Variants in SYNE3 observed in about 807,000 individuals in gnomAD.
The protein encoded by SYNE3 is spectrin repeat containing nuclear envelope family member 3, also known as nesprin-3.
SYNE3 carries 100 observed loss-of-function variants against 111.2 expected under a neutral mutation model. The observed-to-expected ratio is 0.90, with a 90% CI of 0.77 to 1.06. The LOEUF is 1.06. Among genes scored for constraint, SYNE3 ranks in the 50% least tolerant of loss-of-function variants. SYNE3 has a pLI of 0.00. For synonymous variants in SYNE3, 547 were observed against 533.9 expected (o/e 1.02, Z -0.34); for missense variants, 1,160 against 1,240.3 (o/e 0.94, Z 0.97).
intron 8 of SYNE3, among the ~76,000 whole-genome samples, chr14:95,447,502 A>G (rs1390978432): frequency 6.6e-6 from 1 of 152,136 alleles, no homozygotes; most frequent in East Asian, 1.9e-4. Context: ...AGAGGTGGAC[A>G]CTCCTGGTTG....
intron 4 of SYNE3, among the ~76,000 whole-genome samples, chr14:95,461,971 G>A (rs562439232): frequency 2.4e-4 from 36 of 152,336 alleles, no homozygotes; most frequent in Non-Finnish European, 4.7e-4. Context: ...AATGCCGGGG[G>A]CTGCATCCCA....
intron 1 of SYNE3, among the ~76,000 whole-genome samples, chr14:95,486,043 A>C (rs1329131342): frequency 6.6e-6 from 1 of 152,120 alleles, no homozygotes; most frequent in Non-Finnish European, 1.5e-5. Flanking sequence ...AGAAGGGAGA[A>C]GGGCTGTGTC....
intron 17 of SYNE3, among the ~76,000 whole-genome samples, chr14:95,424,975 C>T (rs1291066842): frequency 6.6e-6 from 1 of 152,216 alleles, no homozygotes; most frequent in Non-Finnish European, 1.5e-5. Flanking sequence ...CACAGTGGCT[C>T]ATGCCTGTAA....
At position 95,444,560 on chromosome 14, in the gene SYNE3, G is replaced by T. The variant is rs1450661791; in HGVS notation, c.1701C>A (p.Leu567=). 6.2e-7 allele frequency: 1 copy of T among 1,613,614 alleles called. No homozygotes were observed. Among genetic ancestry groups the T allele is most frequent in the African/African-American group, 1.3e-5 (1 of 75,024 alleles). ...FEPLQRKLLD[L]QVRVQAEKGL... The stretch of plus-strand genomic sequence containing the variant: ...CCTTCTCGGCTTGGACCCTGACCTG[G>T]AGGTCCAAGAGCTTCCTCTGCAGGG... The change falls in exon 10 of 18, where the codon CTC becomes CTA. Residue 567 remains leucine, a synonymous_variant. Coordinates refer to ENST00000682763, the MANE Select transcript of SYNE3 (RefSeq NM_152592.6).
intron 1 of SYNE3, among the ~76,000 whole-genome samples, chr14:95,501,898 G>A (rs1890350815): frequency 6.6e-6 from 1 of 152,166 alleles, no homozygotes; most frequent in Admixed American, 6.5e-5. Context: ...AGCACAAGGA[G>A]GTTTTCTGTC....
At position 95,417,539 on chromosome 14, in the gene SYNE3, A is replaced by G. The variant is rs1595166679; in HGVS notation, c.*287T>C. ...GCTAGGAATTTTCCCAACTCCAAAT[A>G]GAACTCGTATATGAAATTATACATA... On this transcript the variant is annotated 3_prime_UTR_variant, in exon 18 of 18. Coordinates refer to ENST00000682763, the MANE Select transcript of SYNE3 (RefSeq NM_152592.6). 1 of 432,488 alleles carries G rather than the reference A, an allele frequency of 2.3e-6. No homozygotes were observed. The highest frequency in any genetic ancestry group is 4.2e-6 in the Non-Finnish European group (1 of 236,082). 26.8% of individuals were successfully genotyped at this position (432,488 alleles called of 1,614,324 possible).
At chr14:95,466,271 G>A (rs991841829) in intron 3 of SYNE3, 31 bp from the exon 4 acceptor site, 2 of 1,530,366 alleles carry the variant, frequency 1.3e-6, no homozygotes, top group African/African-American at 1.4e-5. Flanking sequence ...AGGTTGTGAG[G>A]GAACCAGCCA....
At chr14:95,476,355 A>C (rs1888890273) in intron 1 of SYNE3, among the ~76,000 whole-genome samples, 1 of 151,462 alleles carries the variant, frequency 6.6e-6, no homozygotes, top group African/African-American at 2.4e-5. Context: ...CATCCCCACC[A>C]CTCCACCAAC....
rs200649505 is a variant in SYNE3 at position 95,467,764 on chromosome 14, C to T, written c.317+31G>A. ...CACAGTGGGCAAGGAGGGTAAATGG[C>T]AGCTGTGGACAAAGGCCCTGGATGC... On this transcript the variant is annotated intron_variant, in intron 3 of 17. Coordinates refer to ENST00000682763, the MANE Select transcript of SYNE3 (RefSeq NM_152592.6). 1.7e-4 allele frequency: 278 copies of T among 1,612,718 alleles called. No individual in the cohort carries two copies. The African/African-American group carries it at 3.5e-3, about 20-fold the overall frequency.
intron 1 of SYNE3, among the ~76,000 whole-genome samples, chr14:95,507,673 C>G (rs1259538072): frequency 6.6e-6 from 1 of 152,222 alleles, no homozygotes; most frequent in Non-Finnish European, 1.5e-5. Context: ...AGTTTGAAAT[C>G]AGCAAACAGA....
In SYNE3 at chr14:95,485,656, A is replaced by C. The variant is rs1025991096; in HGVS notation, c.-14-9821T>G. ...CTGTCTCCTCTCCCTCTCCCCTTAC[A>C]CCACTCCCTCTAGGATACCCAGCAT... On this transcript the variant is annotated intron_variant, in intron 1 of 17. Coordinates refer to ENST00000682763, the MANE Select transcript of SYNE3 (RefSeq NM_152592.6). This position sits in a 1 kb window ranked among gnomAD's most constrained non-coding sequence, Gnocchi z 4.3. 4.0e-5 allele frequency among the ~76,000 whole-genome samples: 6 copies of C among 150,856 alleles called. No individual in the cohort carries two copies. Among genetic ancestry groups the C allele is most frequent in the African/African-American group, 1.5e-4 (6 of 40,954 alleles).
intron 17 of SYNE3, among the ~76,000 whole-genome samples, chr14:95,421,433 G>A (rs1037643408): frequency 2.0e-5 from 3 of 152,136 alleles, no homozygotes; most frequent in Non-Finnish European, 4.4e-5. Context: ...GGGATGTGGG[G>A]GAAATATAAG....
intron 6 of SYNE3, among the ~76,000 whole-genome samples, chr14:95,453,840 G>A (rs1887242773): frequency 6.6e-6 from 1 of 152,226 alleles, no homozygotes; most frequent in South Asian, 2.1e-4. Flanking sequence ...GAAGGACGCT[G>A]CCCCATGGCT....
intron 9 of SYNE3, among the ~76,000 whole-genome samples, chr14:95,445,122 T>C (rs1886637259): frequency 6.6e-6 from 1 of 152,222 alleles, no homozygotes; most frequent in Admixed American, 6.5e-5. Flanking sequence ...CAGCAAAAGC[T>C]GTGAGTGTTT....
intron 7 of SYNE3, chr14:95,450,900 G>A (rs910505150): frequency 2.6e-5 from 4 of 152,132 alleles, no homozygotes; most frequent in African/African-American, 9.7e-5. Flanking sequence ...TATTCTTCCA[G>A]TAACGGAAAA....
intron 17 of SYNE3, among the ~76,000 whole-genome samples, chr14:95,431,505 C>T (rs1885759259): frequency 4.6e-5 from 7 of 152,188 alleles, no homozygotes. Flanking sequence ...ATACCTATTA[C>T]TCATTGTTGT....
chr14:95,420,775 C>A (rs1243388493), intron 17 of SYNE3, among the ~76,000 whole-genome samples: 1 of 152,060 alleles, frequency 6.6e-6, no homozygotes, highest in Non-Finnish European at 1.5e-5. Context: ...TCTAAGAAGC[C>A]AACAAGAAAA....
intron 1 of SYNE3, among the ~76,000 whole-genome samples, chr14:95,507,287 G>T (rs952232955): frequency 1.3e-5 from 2 of 152,178 alleles, no homozygotes; most frequent in East Asian, 1.9e-4. Flanking sequence ...TTCCTAGTTC[G>T]TGTCCACCTC....
intron 7 of SYNE3, chr14:95,451,779 CAG>C (rs142131288): frequency 0.44 from 68,078 of 153,100 alleles, 15,328 homozygotes; most frequent in Admixed American, 0.59. Context: ...CGGTTCCACA[CAG>C]GGAGGATACA....
Sources: gnomAD v4.1 joint callset for allele counts (sites outside exome capture counted in the v4.1 genomes callset) on GRCh38, gnomAD v4.1.1 for gene constraint, Gnocchi (gnomAD v3.1) non-coding constraint, MANE v1.5 for transcripts, NCBI Gene and HGNC (gene_info 2026-07-23, HGNC 2026-07-21) for gene names.